The following DLG2 variants were observed in gnomAD, a reference collection of about 807,000 sequenced individuals.
DLG2 encodes the protein discs large MAGUK scaffold protein 2.
A neutral mutation model predicts 132.5 loss-of-function variants in DLG2; 45 were observed. That is an observed-to-expected ratio of 0.34 (90% CI 0.27 to 0.44). The LOEUF (loss-of-function observed/expected upper bound fraction) is 0.44. Ranked by LOEUF, DLG2 falls within the 20% of genes least tolerant of loss-of-function variation. The pLI is 1.00. For missense variants in DLG2, 1,045 were observed against 1,196.9 expected, an observed-to-expected ratio of 0.87 and a Z score of 1.87; for synonymous variants, 424 against 419.6, an observed-to-expected ratio of 1.01 and a Z score of -0.13.
intron 11 of DLG2, among the ~76,000 whole-genome samples, chr11:84,034,944 C>G (rs142840149): frequency 2.0e-5 from 3 of 152,146 alleles, no homozygotes; most frequent in Admixed American, 2.0e-4. Context: ...TCAATGCAAG[C>G]TTTTCTTTCT....
intron 7 of DLG2, among the ~76,000 whole-genome samples, chr11:84,475,454 T>C (rs1415124238): frequency 6.6e-6 from 1 of 152,006 alleles, no homozygotes; most frequent in East Asian, 1.9e-4. Context: ...CCTCTAAGGG[T>C]GATTTGTGTC....
At chr11:83,899,909 G>A (rs559496302) in intron 15 of DLG2, among the ~76,000 whole-genome samples, 1 of 152,274 alleles carries the variant, frequency 6.6e-6, no homozygotes, top group East Asian at 1.9e-4. Context: ...GGGAAATGTG[G>A]GAAAGTTTGG....
intron 7 of DLG2, among the ~76,000 whole-genome samples, chr11:84,387,014 T>C (rs941062053): frequency 6.6e-5 from 10 of 152,242 alleles, no homozygotes; most frequent in African/African-American, 2.4e-4. Context: ...TCTGAACCTC[T>C]TTTATTTAAA....
intron 8 of DLG2, among the ~76,000 whole-genome samples, chr11:84,194,436 C>A (rs901782076): frequency 1.3e-5 from 2 of 152,124 alleles, no homozygotes; most frequent in Non-Finnish European, 2.9e-5. Flanking sequence ...AAAGGTGGCA[C>A]AGACCCAAAG....
intron 18 of DLG2, among the ~76,000 whole-genome samples, chr11:83,759,531 T>G (rs2093806854): frequency 6.6e-6 from 1 of 152,190 alleles, no homozygotes; most frequent in East Asian, 1.9e-4. Flanking sequence ...TATTGATTTT[T>G]TTTTCATTGT....
Position 85,337,056 on chromosome 11 carries a change from T to C in DLG2, c.41-51691A>G, listed in dbSNP as rs1256600339. Reference sequence around the variant, plus strand: ...ATAAAAGGCAAAAATGAGCTCTTCATTGAATCAACTGAACCAAAATTTGCG... The same window carrying C: ...ATAAAAGGCAAAAATGAGCTCTTCACTGAATCAACTGAACCAAAATTTGCG... On this transcript the variant is annotated intron_variant, in intron 3 of 27. Transcript: ENST00000376104. Among the ~76,000 whole-genome samples the C allele has an allele frequency of 2.0e-5, 3 of 152,326 alleles. No homozygotes were observed. The South Asian group carries it at 6.2e-4, about 32-fold the overall frequency.
rs1235119974 is a variant in DLG2 at position 84,731,427 on chromosome 11, C to A, written c.358-196696G>T. On this transcript the variant is annotated intron_variant, in intron 6 of 27. Transcript: ENST00000376104. ...GGAGAGCTACATGGCTCTATAAGAG[C>A]ATATATAGGGGAATCTCATCTAAAA... is the stretch of plus-strand genomic sequence containing the variant. 2.0e-5 allele frequency among the ~76,000 whole-genome samples: 3 copies of A among 151,694 alleles called. No individual in the cohort carries two copies. In the East Asian group the frequency reaches 5.8e-4, roughly 29 times the overall value.
At chr11:84,048,243 G>A (rs2096279601) in intron 11 of DLG2, among the ~76,000 whole-genome samples, 4 of 151,442 alleles carry the variant, frequency 2.6e-5, no homozygotes, top group South Asian at 2.1e-4. Context: ...CTGTTTCCCT[G>A]GTTTAAGACA....
intron 3 of DLG2, among the ~76,000 whole-genome samples, chr11:85,394,892 T>C (rs1203571206): frequency 2.6e-5 from 4 of 152,210 alleles, no homozygotes; most frequent in African/African-American, 4.8e-5. Flanking sequence ...TTATAGGTTA[T>C]GATGAATATA....
At chr11:84,831,979 A>C (rs1218868357) in intron 6 of DLG2, among the ~76,000 whole-genome samples, 1 of 151,598 alleles carries the variant, frequency 6.6e-6, no homozygotes, top group African/African-American at 2.4e-5. Context: ...GGTACTGTTC[A>C]AGTTCCTAAG....
At chr11:85,098,350 A>C (rs985355564) in intron 6 of DLG2, among the ~76,000 whole-genome samples, 5 of 152,190 alleles carry the variant, frequency 3.3e-5, no homozygotes, top group African/African-American at 1.2e-4. Flanking sequence ...GATTCTGCGC[A>C]CTGTCCAAAT....
intron 8 of DLG2, among the ~76,000 whole-genome samples, chr11:84,207,493 T>C (rs1029374108): frequency 1.1e-4 from 17 of 152,186 alleles, no homozygotes; most frequent in Non-Finnish European, 1.3e-4. Flanking sequence ...ACCATAAATA[T>C]ATAGTAAAAT....
chr11:83,866,635 A>G (rs1463562893), intron 16 of DLG2, among the ~76,000 whole-genome samples: 1 of 152,192 alleles, frequency 6.6e-6, no homozygotes, highest in African/African-American at 2.4e-5. Context: ...TCACAATTAC[A>G]TTGAGACCAT....
intron 3 of DLG2, among the ~76,000 whole-genome samples, chr11:85,316,783 A>T (rs902304568): frequency 6.6e-6 from 1 of 151,972 alleles, no homozygotes; most frequent in East Asian, 1.9e-4. Context: ...GGGTTTTATT[A>T]TTTCAAAAAA....
intron 6 of DLG2, among the ~76,000 whole-genome samples, chr11:84,943,537 A>G (rs904983776): frequency 6.6e-6 from 1 of 152,122 alleles, no homozygotes; most frequent in Non-Finnish European, 1.5e-5. Flanking sequence ...GAGGTTTGCA[A>G]ATAATGCCTC....
chr11:84,331,436 T>C (rs2098457874), intron 7 of DLG2, among the ~76,000 whole-genome samples: 1 of 125,698 alleles, frequency 8.0e-6, no homozygotes. Flanking sequence ...CCATGTTACT[T>C]ATCTCAAAAA....
chr11:85,127,915 A>C (rs2075314384), intron 5 of DLG2, among the ~76,000 whole-genome samples: 1 of 152,228 alleles, frequency 6.6e-6, no homozygotes, highest in Non-Finnish European at 1.5e-5. Flanking sequence ...AGCTGTGATA[A>C]AAATATTTTT....
intron 3 of DLG2, among the ~76,000 whole-genome samples, chr11:85,376,787 G>A (rs1187869320): frequency 6.6e-6 from 1 of 152,132 alleles, no homozygotes; most frequent in African/African-American, 2.4e-5. Flanking sequence ...ATCATGATAA[G>A]TAAACAGACT....
At chr11:85,341,277 C>T (rs1056016922) in intron 3 of DLG2, among the ~76,000 whole-genome samples, 2 of 152,088 alleles carry the variant, frequency 1.3e-5, no homozygotes, top group Non-Finnish European at 2.9e-5. Flanking sequence ...TGCCAACATG[C>T]CTGGCTAATT....
Sources: gnomAD v4.1 joint callset for allele counts (sites outside exome capture counted in the v4.1 genomes callset) on GRCh38, gnomAD v4.1.1 for gene constraint, MANE v1.5 for transcripts, NCBI Gene and HGNC (gene_info 2026-07-23, HGNC 2026-07-21) for gene names.